Variants in ESPN observed in about 807,000 individuals in gnomAD.
ESPN encodes the protein autosomal recessive deafness type 36 protein.
A neutral mutation model predicts 77.7 loss-of-function variants in ESPN; 68 were observed. That is an observed-to-expected ratio of 0.87 (90% CI 0.72 to 1.07). ESPN has a LOEUF of 1.07. Among genes scored for constraint, ESPN ranks in the 50% least tolerant of loss-of-function variants. The pLI, the probability that ESPN is intolerant of heterozygous loss-of-function variation, is 0.00. For missense variants in ESPN, 1,060 were observed against 1,239.0 expected (o/e 0.86, Z 2.17); for synonymous variants, 449 against 567.1 (o/e 0.79, Z 2.96).
chr1:6,444,497 T>A lies in ESPN; in HGVS notation c.1007T>A (p.Val336Glu). Residue 336 changes from valine (V) to glutamate (E), a missense_variant, in exon 6 of 13, where the codon GTG becomes GAG. Physicochemically the swap from Val to Glu is moderately radical, Grantham distance 121. Coordinates refer to ENST00000645284, the MANE Select transcript of ESPN (RefSeq NM_031475.3). ...CCCCTTCAGAGCGTGGAGCACCGCG[T>A]GCTTTCCCGGGATCCATCCGCAGAG... ...TVENLSVEHR[V>E]LSRDPSAELE... The A allele has an allele frequency of 6.2e-7, 1 of 1,614,210 alleles. No individual in the cohort carries two copies. Among genetic ancestry groups the A allele is most frequent in the Non-Finnish European group, 8.5e-7 (1 of 1,180,030 alleles).
chr1:6,449,306 G>GCAAGTCCCTTCCCCAATCTGGGC, intron 8 of ESPN, among the ~76,000 whole-genome samples: 1 of 152,208 alleles, frequency 6.6e-6, no homozygotes, highest in Admixed American at 6.5e-5. Flanking sequence ...ACGGCCTGGG[G>GCAAGTCCCTTCCCCAATCTGGGC]CAAGTCCCTT....
chr1:6,453,690 G>C (rs1195256271), intron 10 of ESPN, among the ~76,000 whole-genome samples: 1 of 152,176 alleles, frequency 6.6e-6, no homozygotes, highest in Non-Finnish European at 1.5e-5. Flanking sequence ...CTGGGGAGCC[G>C]GGTGCGGGGA....
intron 2 of ESPN, among the ~76,000 whole-genome samples, chr1:6,432,514 A>G (rs1643287650): frequency 6.6e-6 from 1 of 152,048 alleles, no homozygotes; most frequent in African/African-American, 2.4e-5. Context: ...AGACCATCTC[A>G]TGTCTCCACC....
rs1403715428 is a variant in ESPN, at chr1:6,451,791, C to T, written c.2062-42C>T. ...GAGCCTGCGACCCGGCTTCCCTGGCCCTAGGCCACCGGGCGCTCAGCCCCA... is the reference window on the plus strand; with the variant it reads ...GAGCCTGCGACCCGGCTTCCCTGGCTCTAGGCCACCGGGCGCTCAGCCCCA... On this transcript the variant is annotated intron_variant, in intron 9 of 12. Transcript: ENST00000645284. This position sits in a 1 kb window ranked among gnomAD's most constrained non-coding sequence, Gnocchi z 4.3. 2 of 1,610,238 alleles carry T rather than the reference C, an allele frequency of 1.2e-6. No individual in the cohort carries two copies. Among genetic ancestry groups the T allele is most frequent in the African/African-American group, 1.3e-5 (1 of 75,030 alleles).
intron 5 of ESPN, 95 bp downstream of exon 5, chr1:6,441,160 A>G: frequency 6.6e-7 from 1 of 1,522,538 alleles, no homozygotes; most frequent in African/African-American, 1.4e-5. Context: ...GAGGAAGCTG[A>G]GGTTCAGGGA....
At chr1:6,438,518 C>T (rs749364392) in intron 2 of ESPN, among the ~76,000 whole-genome samples, 3 of 152,238 alleles carry the variant, frequency 2.0e-5, no homozygotes, top group African/African-American at 4.8e-5. Context: ...CAGTGACAGC[C>T]GAAAGCTAGG....
At position 6,460,157 on chromosome 1, in the gene ESPN, C is replaced by A. The variant is rs771048531; in HGVS notation, c.*11C>A. ...ATCGCTAAGTACTAGAGGCCGCAGA[C>A]TCCTGTCCGCAGCCTCGCAGCTCCG... On this transcript the variant is annotated 3_prime_UTR_variant, in exon 13 of 13. Transcript: ENST00000645284. 2 of 1,608,164 alleles carry A rather than the reference C, an allele frequency of 1.2e-6. No homozygotes were observed. The highest frequency in any genetic ancestry group is 1.7e-6 in the Non-Finnish European group (2 of 1,177,200).
rs768787172 is a variant in ESPN at position 6,441,053 on chromosome 1, G to A, written c.978G>A (p.Thr326=). Residue 326 remains threonine (T), a synonymous_variant, in exon 5 of 13, where the codon ACG becomes ACA. Transcript: ENST00000645284. ...GHSHCTRYLR[T]VENLSVEHRV... ...GCCACTGCACCCGCTACCTGCGCACGGTGGAGAACCTGGTACGATCCCTGA... is the reference window on the plus strand; with the variant it reads ...GCCACTGCACCCGCTACCTGCGCACAGTGGAGAACCTGGTACGATCCCTGA... 13 of 1,611,280 alleles carry A rather than the reference G, an allele frequency of 8.1e-6. No individual in the cohort carries two copies. The Admixed American group carries it at 1.3e-4, about 17-fold the overall frequency.
chr1:6,438,596 C>T (rs2148515908), intron 2 of ESPN, among the ~76,000 whole-genome samples: 1 of 152,368 alleles, frequency 6.6e-6, no homozygotes, highest in Non-Finnish European at 1.5e-5. Flanking sequence ...GCCGGCCAGG[C>T]CCTGCATGCA....
intron 12 of ESPN, among the ~76,000 whole-genome samples, chr1:6,458,429 C>T (rs1644092080): frequency 6.6e-6 from 1 of 151,938 alleles, no homozygotes; most frequent in South Asian, 2.1e-4. Flanking sequence ...GATTCTCCTG[C>T]CTCAGCCTCC....
At position 6,451,538 on chromosome 1, in the gene ESPN, C is replaced by T. The variant is rs900716759; in HGVS notation, c.1916-65C>T. Reference sequence around the variant, plus strand: ...GCTTAGGAAAGGGGCTGCAGAGGGGCGGGTGAGGGGTGGCGGGGATGCAGC... The same window carrying T: ...GCTTAGGAAAGGGGCTGCAGAGGGGTGGGTGAGGGGTGGCGGGGATGCAGC... On this transcript the variant is annotated intron_variant, in intron 8 of 12. Coordinates refer to ENST00000645284, the MANE Select transcript of ESPN (RefSeq NM_031475.3). This position sits in a 1 kb window ranked among gnomAD's most constrained non-coding sequence, Gnocchi z 4.3. 1.0e-4 allele frequency: 160 copies of T among 1,564,530 alleles called. 1 individual carries two copies. The highest frequency in any genetic ancestry group is 1.2e-4 in the Non-Finnish European group (135 of 1,153,304).
At chr1:6,455,422 G>C (rs1644036662) in intron 10 of ESPN, 1 of 393,652 alleles carries the variant, frequency 2.5e-6, no homozygotes, top group Admixed American at 4.4e-5. Context: ...GACGCCCCCC[G>C]GCTGCCGGCG....
intron 8 of ESPN, among the ~76,000 whole-genome samples, chr1:6,449,402 A>G (rs1643907942): frequency 6.6e-6 from 1 of 152,148 alleles, no homozygotes; most frequent in Non-Finnish European, 1.5e-5. Context: ...CACCAGCTAG[A>G]AAGGGCCTCC....
intron 2 of ESPN, among the ~76,000 whole-genome samples, chr1:6,440,052 C>T (rs1458833921): frequency 6.6e-6 from 1 of 151,954 alleles, no homozygotes; most frequent in African/African-American, 2.4e-5. Context: ...CTGGGTGGGA[C>T]GCCCTCAGGG....
intron 2 of ESPN, among the ~76,000 whole-genome samples, chr1:6,436,998 C>A (rs1202943684): frequency 6.6e-6 from 1 of 152,104 alleles, no homozygotes; most frequent in Admixed American, 6.5e-5. Context: ...CCCTCCCCCT[C>A]AGCCCATCAG....
At position 6,445,801 on chromosome 1, in the gene ESPN, C is replaced by G; in HGVS notation, c.1330C>G (p.Pro444Ala). 6.9e-7 allele frequency: 1 copy of G among 1,452,616 alleles called. No homozygotes were observed. Among genetic ancestry groups the G allele is most frequent in the Non-Finnish European group, 9.4e-7 (1 of 1,060,400 alleles). 90.0% of individuals were successfully genotyped at this position (1,452,616 alleles called of 1,614,324 possible). A position where few individuals can be genotyped will look rare whatever the true frequency, so the allele number is the denominator to read the frequency against. ...PPSFPPPPPPPGTQLPPPPPG... is the reference protein window; with the variant it reads ...PPSFPPPPPPAGTQLPPPPPG... The stretch of plus-strand genomic sequence containing the variant: ...CAGCTTCCCCCCGCCACCCCCGCCC[C>G]CAGGCACCCAACTGCCCCCACCCCC... Residue 444 changes from proline (P) to alanine (A), a missense_variant, in exon 7 of 13, where the codon CCA becomes GCA. This residue lies in a region of ESPN where 130 missense variants were observed against 223.9 expected (regional missense o/e 0.58). Transcript: ENST00000645284.
intron 2 of ESPN, among the ~76,000 whole-genome samples, chr1:6,435,304 C>T (rs1167699115): frequency 6.6e-6 from 1 of 152,144 alleles, no homozygotes; most frequent in Non-Finnish European, 1.5e-5. Context: ...GGGAGGGCTG[C>T]GGGAATCATT....
At chr1:6,459,923 TG>T (rs1644127039) in intron 12 of ESPN, 75 bp from the exon 13 acceptor site, 1 of 1,592,090 alleles carries the variant, frequency 6.3e-7, no homozygotes, top group African/African-American at 1.3e-5. Context: ...GCCTGGTGCC[TG>T]GCCCCACCCT....
At chr1:6,432,453 C>A (rs1226439797) in intron 2 of ESPN, among the ~76,000 whole-genome samples, 1 of 152,224 alleles carries the variant, frequency 6.6e-6, no homozygotes, top group African/African-American at 2.4e-5. Context: ...TACGTGGAGG[C>A]TCTGGGAAAG....
Sources: allele counts gnomAD v4.1 joint callset (sites outside exome capture counted in the v4.1 genomes callset), GRCh38; gene constraint gnomAD v4.1.1; regional missense constraint gnomAD v4.1.1; non-coding constraint Gnocchi (gnomAD v3.1); transcripts MANE v1.5; gene names NCBI Gene and HGNC (gene_info 2026-07-23, HGNC 2026-07-21).